Variants in PCBP3 observed in about 807,000 individuals in gnomAD.
PCBP3 encodes poly(rC)-binding protein 3.
Under a neutral mutation model 52.7 loss-of-function variants are expected in PCBP3, and 25 were observed. The observed-to-expected ratio is 0.47, with a 90% CI of 0.35 to 0.66. The LOEUF is 0.66. Ranked by LOEUF, PCBP3 falls within the 30% of genes least tolerant of loss-of-function variation. The probability of loss-of-function intolerance (pLI) is 0.01; values close to 1 mark genes in which losing one functional copy is unlikely to be tolerated. For missense variants in PCBP3, 391 were observed against 490.3 expected (o/e 0.80, Z 1.91); for synonymous variants, 162 against 183.0 (o/e 0.89, Z 0.93).
chr21:45,901,180 G>A lies in PCBP3; in HGVS notation c.339+67G>A, dbSNP rs1279249101. 3.6e-6 allele frequency: 4 copies of A among 1,125,890 alleles called. No individual in the cohort carries two copies. In the African/African-American group the frequency reaches 4.6e-5, roughly 13 times the overall value. The allele number at this position is 1,125,890 out of a possible 1,614,324, so 69.7% of individuals were successfully genotyped here. On this transcript the variant is annotated intron_variant, in intron 9 of 17. Transcript: ENST00000681687. ...AGGCCTGGTCCCAGCTGGCTCCCTGGGTCCTCTCCCCTACACCTGGACTAG... is the reference window on the plus strand; with the variant it reads ...AGGCCTGGTCCCAGCTGGCTCCCTGAGTCCTCTCCCCTACACCTGGACTAG...
At chr21:45,915,914 C>A (rs1469529868) in intron 12 of PCBP3, 1 of 152,300 alleles carries the variant, frequency 6.6e-6, no homozygotes, top group Non-Finnish European at 1.5e-5. Flanking sequence ...GGACACACAA[C>A]CCAATACAGA....
At chr21:45,940,398 T>C (rs2077330796) in intron 17 of PCBP3, among the ~76,000 whole-genome samples, 199 bp downstream of exon 17, 1 of 152,102 alleles carries the variant, frequency 6.6e-6, no homozygotes. Flanking sequence ...CGGGGCCACC[T>C]CACTCTCCCG....
intron 1 of PCBP3, among the ~76,000 whole-genome samples, chr21:45,651,701 C>G (rs1043540333): frequency 1.4e-4 from 21 of 152,126 alleles, no homozygotes; most frequent in Admixed American, 1.1e-3. Context: ...GAAAAATATC[C>G]TATACAAAAA....
chr21:45,795,069 G>A (rs1044080800), intron 4 of PCBP3, among the ~76,000 whole-genome samples: 1 of 152,146 alleles, frequency 6.6e-6, no homozygotes, highest in East Asian at 1.9e-4. Context: ...GATACTTCAC[G>A]TTTATAATCC....
intron 5 of PCBP3, among the ~76,000 whole-genome samples, chr21:45,886,469 A>G (rs1388086988): frequency 2.1e-4 from 27 of 129,478 alleles, no homozygotes; most frequent in South Asian, 2.7e-4. Context: ...AGGAGGCCTC[A>G]TTGCCGCGGG....
intron 1 of PCBP3, among the ~76,000 whole-genome samples, chr21:45,644,797 C>G (rs1202246237): frequency 6.6e-6 from 1 of 152,138 alleles, no homozygotes; most frequent in East Asian, 1.9e-4. Flanking sequence ...TTAGACTGGG[C>G]AACTTATAGA....
At chr21:45,785,506 AGGG>A (rs1298006625) in intron 4 of PCBP3, among the ~76,000 whole-genome samples, 3 of 53,164 alleles carry the variant, frequency 5.6e-5, no homozygotes, top group African/African-American at 5.3e-4. Context: ...CCCGTCCGGG[AGGG>A]GGGGGGGTCA....
At chr21:45,696,149 C>T (rs568701622) in intron 2 of PCBP3, among the ~76,000 whole-genome samples, 8 of 143,100 alleles carry the variant, frequency 5.6e-5, no homozygotes, top group South Asian at 2.2e-4. Flanking sequence ...GACATACATA[C>T]GGAAAACATG....
intron 4 of PCBP3, among the ~76,000 whole-genome samples, chr21:45,797,150 A>C (rs1342646322): frequency 6.6e-6 from 1 of 152,232 alleles, no homozygotes; most frequent in African/African-American, 2.4e-5. Context: ...GAGATAGTAA[A>C]TATGTGGATG....
chr21:45,846,155 C>G (rs2093807015), intron 4 of PCBP3, among the ~76,000 whole-genome samples: 1 of 152,216 alleles, frequency 6.6e-6, no homozygotes, highest in African/African-American at 2.4e-5. Context: ...TCATGTCACT[C>G]TCTCGATGTC....
chr21:45,791,659 A>C lies in PCBP3; in HGVS notation c.-126+36207A>C, dbSNP rs552891880. On this transcript the variant is annotated intron_variant, in intron 4 of 17. Transcript: ENST00000681687. This position sits in a 1 kb window ranked among gnomAD's most constrained non-coding sequence, Gnocchi z 4.2. ...GCAGTCATAAGTTAATTTCTGTCGA[A>C]GTAGAATACAACTAAGAAAAAATTT... 4.6e-5 allele frequency among the ~76,000 whole-genome samples: 7 copies of C among 152,344 alleles called. No individual in the cohort carries two copies. The South Asian group carries it at 1.4e-3, about 32-fold the overall frequency.
At chr21:45,893,803 C>T (rs1438984275) in intron 5 of PCBP3, 33 of 985,306 alleles carry the variant, frequency 3.3e-5, no homozygotes, top group African/African-American at 7.0e-5. Context: ...AGCCTCAGAA[C>T]GGGCTCCATT....
At chr21:45,816,035 GGTGA>G (rs2092936949) in intron 4 of PCBP3, among the ~76,000 whole-genome samples, 1 of 141,910 alleles carries the variant, frequency 7.0e-6, no homozygotes, top group African/African-American at 2.6e-5. Context: ...AGTGGTGAGT[GGTGA>G]GTGAGTGGTG....
intron 4 of PCBP3, among the ~76,000 whole-genome samples, chr21:45,803,855 G>A (rs1359903101): frequency 6.6e-6 from 1 of 152,188 alleles, no homozygotes; most frequent in Non-Finnish European, 1.5e-5. Context: ...CCAGGGCACC[G>A]GATGGCCCAG....
chr21:45,713,457 A>T (rs1603304924), intron 2 of PCBP3, among the ~76,000 whole-genome samples: 1 of 152,036 alleles, frequency 6.6e-6, no homozygotes, highest in Non-Finnish European at 1.5e-5. Flanking sequence ...CCATACAGAC[A>T]CACCTCGTCT....
intron 2 of PCBP3, among the ~76,000 whole-genome samples, chr21:45,710,108 G>A (rs923035785): frequency 3.9e-5 from 6 of 152,140 alleles, no homozygotes; most frequent in African/African-American, 1.4e-4. Flanking sequence ...TGGCTGAGGT[G>A]TGTTTGTCAG....
intron 2 of PCBP3, among the ~76,000 whole-genome samples, chr21:45,711,794 A>AG (rs1249997921): frequency 6.6e-6 from 1 of 152,242 alleles, no homozygotes; most frequent in Non-Finnish European, 1.5e-5. Flanking sequence ...TTTAAAATAA[A>AG]GTACATACAT....
chr21:45,810,483 C>CA (rs1198943010), intron 4 of PCBP3, among the ~76,000 whole-genome samples: 3 of 151,912 alleles, frequency 2.0e-5, no homozygotes, highest in East Asian at 3.9e-4. Flanking sequence ...AGGCTGGTCT[C>CA]AAACTCCTGG....
chr21:45,818,211 C>T (rs1440015294), intron 4 of PCBP3, among the ~76,000 whole-genome samples: 4 of 151,990 alleles, frequency 2.6e-5, no homozygotes, highest in Non-Finnish European at 4.4e-5. Flanking sequence ...TTAATAGAGA[C>T]GGGGTTTCAC....
Sources: gnomAD v4.1 joint callset for allele counts (sites outside exome capture counted in the v4.1 genomes callset) on GRCh38, gnomAD v4.1.1 for gene constraint, Gnocchi (gnomAD v3.1) non-coding constraint, MANE v1.5 for transcripts, NCBI Gene and HGNC (gene_info 2026-07-23, HGNC 2026-07-21) for gene names.